The following TDRD9 variants were observed in gnomAD, a reference collection of about 807,000 sequenced individuals.
The protein encoded by TDRD9 is ATP-dependent RNA helicase TDRD9.
Under a neutral mutation model 172.6 loss-of-function variants are expected in TDRD9, and 124 were observed. The observed-to-expected ratio is 0.72, with a 90% confidence interval of 0.62 to 0.83. The LOEUF is 0.83. TDRD9 is among the 40% of genes least tolerant of loss of function. The pLI, the probability that TDRD9 is intolerant of heterozygous loss-of-function variation, is 0.00. For synonymous variants in TDRD9, 619 were observed against 617.1 expected, an observed-to-expected ratio of 1.00 and a Z score of -0.05; for missense variants, 1,479 against 1,714.1, an observed-to-expected ratio of 0.86 and a Z score of 2.42.
rs949990551 is a variant in TDRD9 at position 104,031,404 on chromosome 14, TATA to T, written c.3438+149_3438+151del. On this transcript the variant is annotated intron_variant, in intron 29 of 35. Coordinates refer to ENST00000409874, the MANE Select transcript of TDRD9 (RefSeq NM_153046.3). ...TTACTTTTCTCACAATTGATCCTCT[TATA>T]ATAATAAGAAAAAACCCTGGGGTTT... 33 of 693,798 alleles carry T rather than the reference TATA, an allele frequency of 4.8e-5. No homozygotes were observed. The African/African-American group carries it at 5.6e-4, about 12-fold the overall frequency. 43.0% of individuals were successfully genotyped at this position (693,798 alleles called of 1,614,324 possible). A position where few individuals can be genotyped will look rare whatever the true frequency, so the allele number is the denominator to read the frequency against.
At chr14:103,940,063 C>T (rs994964558) in intron 1 of TDRD9, among the ~76,000 whole-genome samples, 2 of 151,950 alleles carry the variant, frequency 1.3e-5, no homozygotes, top group African/African-American at 2.4e-5. Context: ...GTATAATTTC[C>T]TACTTTTAAT....
At chr14:103,967,347 CAAAAAAAA>C (rs11444885) in intron 5 of TDRD9, among the ~76,000 whole-genome samples, 22 of 49,748 alleles carry the variant, frequency 4.4e-4, no homozygotes, top group African/African-American at 2.0e-3. Context: ...ACTAAAAATA[CAAAAAAAA>C]AAAAAAAAAA....
rs375199622 is a variant in TDRD9 at position 104,022,249 on chromosome 14, C to G, written c.2525C>G (p.Ser842Ter). Residue 842 changes from serine to a stop codon, truncating the protein, a stop_gained, in exon 24 of 36, where the codon TCA (serine) becomes TGA (stop). Transcript: ENST00000409874. LOFTEE classifies it high-confidence loss of function. Reference protein sequence around the residue: ...MAIKMSQLKVSLELSVHSAEE... With the variant: ...MAIKMSQLKV ...ATTAAGATGTCTCAACTAAAAGTTT[C>G]ACTTGAACTCAGCGTTCATTCTGCA... 3 of 1,611,942 alleles carry G rather than the reference C, an allele frequency of 1.9e-6. No homozygotes were observed. In the African/African-American group the frequency reaches 4.0e-5, roughly 22 times the overall value.
At chr14:103,998,110 G>A (rs2034119040) in intron 12 of TDRD9, among the ~76,000 whole-genome samples, 1 of 152,046 alleles carries the variant, frequency 6.6e-6, no homozygotes, top group Admixed American at 6.5e-5. Flanking sequence ...ATACTAAAGC[G>A]CAGAGACACT....
chr14:103,930,401 G>T (rs1225371139), intron 1 of TDRD9, among the ~76,000 whole-genome samples: 2 of 152,070 alleles, frequency 1.3e-5, no homozygotes, highest in Non-Finnish European at 2.9e-5. Context: ...TGGCCAGGTC[G>T]GTCTGACCTT....
chr14:104,043,965 C>T (rs929549815), intron 34 of TDRD9, among the ~76,000 whole-genome samples: 35 of 152,154 alleles, frequency 2.3e-4, no homozygotes, highest in Admixed American at 5.9e-4. Flanking sequence ...GGGGGCTCGT[C>T]GCCATGTGTG....
chr14:103,952,729 CTTTTTTTT>C (rs68192057), intron 1 of TDRD9, among the ~76,000 whole-genome samples: 32 of 72,324 alleles, frequency 4.4e-4, no homozygotes, highest in East Asian at 1.3e-3. Context: ...AATTCTCTCT[CTTTTTTTT>C]TTTTTTTTTT....
At chr14:104,050,856 A>G (rs2035918379) in intron 35 of TDRD9, among the ~76,000 whole-genome samples, 1 of 152,274 alleles carries the variant, frequency 6.6e-6, no homozygotes, top group Admixed American at 6.5e-5. Context: ...TATGTTTTAG[A>G]AAATTTCAGT....
In TDRD9 at chr14:104,033,968, G is replaced by A. The variant is rs1395393353; in HGVS notation, c.3518G>A (p.Trp1173Ter). 1.9e-6 allele frequency: 3 copies of A among 1,548,200 alleles called. No individual in the cohort carries two copies. ...GTGCTCCTGCCTTTTAGGTGTGTTT[G>A]GATTGAGAAGGAGAGCATCAACTCT... ...LTRISKFRCVWIEKESINSVI... is the reference protein window; with the variant it reads ...LTRISKFRCV Residue 1173 changes from tryptophan (W) to a stop codon, truncating the protein, a stop_gained, in exon 31 of 36, where the codon TGG becomes TAG. Transcript: ENST00000409874. LOFTEE classifies it high-confidence loss of function.
chr14:103,968,755 C>T (rs2032871246), intron 5 of TDRD9, among the ~76,000 whole-genome samples: 2 of 97,438 alleles, frequency 2.1e-5, no homozygotes, highest in East Asian at 3.4e-4. Flanking sequence ...GAGATTGCGC[C>T]ACTGCACTCC....
intron 6 of TDRD9, among the ~76,000 whole-genome samples, chr14:103,971,965 TG>T (rs2152158442): frequency 6.6e-6 from 1 of 152,202 alleles, no homozygotes; most frequent in African/African-American, 2.4e-5. Flanking sequence ...AAGACCAGCC[TG>T]GGCAACATGG....
At chr14:103,963,034 C>G (rs2032581972) in intron 2 of TDRD9, 45 bp from the exon 3 acceptor site, 1 of 1,119,608 alleles carries the variant, frequency 8.9e-7, no homozygotes, top group African/African-American at 1.6e-5. Context: ...TATCTTTTTC[C>G]AGATAAGAAA....
intron 35 of TDRD9, among the ~76,000 whole-genome samples, chr14:104,050,214 C>G (rs1476542385): frequency 1.3e-5 from 2 of 152,210 alleles, no homozygotes; most frequent in Non-Finnish European, 2.9e-5. Flanking sequence ...CACCTTCTCA[C>G]TGTGCCCTCA....
At chr14:104,045,011 C>T (rs2035723809) in intron 34 of TDRD9, among the ~76,000 whole-genome samples, 1 of 152,130 alleles carries the variant, frequency 6.6e-6, no homozygotes, top group Non-Finnish European at 1.5e-5. Flanking sequence ...GGCATGGTGA[C>T]ACACGCCTGT....
intron 31 of TDRD9, 99 bp downstream of exon 31, chr14:104,034,168 A>G (rs1596014790): frequency 1.6e-6 from 1 of 617,456 alleles, no homozygotes; most frequent in African/African-American, 1.9e-5. Flanking sequence ...GAACAAGTCT[A>G]CACTATGTAC....
chr14:104,051,861 G>T, intron 35 of TDRD9, 120 bp from the exon 36 acceptor site: 1 of 601,624 alleles, frequency 1.7e-6, no homozygotes, highest in Non-Finnish European at 3.0e-6. Context: ...GAAGTGTTCT[G>T]TAAATATTTT....
Position 104,052,187 on chromosome 14 carries a change from C to A in TDRD9, c.*105C>A. The A allele has an allele frequency of 1.5e-6, 1 of 682,050 alleles. No individual in the cohort carries two copies. Among genetic ancestry groups the A allele is most frequent in the Non-Finnish European group, 2.5e-6 (1 of 401,482 alleles). 42.2% of individuals were successfully genotyped at this position (682,050 alleles called of 1,614,324 possible). A position where few individuals can be genotyped will look rare whatever the true frequency, so the allele number is the denominator to read the frequency against. ...TTCCTCTGTGTCTGGGTGTTACAGT[C>A]TGTGCCCACTGCATCCTAAAGGCCT... On this transcript the variant is annotated 3_prime_UTR_variant, in exon 36 of 36. Coordinates refer to ENST00000409874, the MANE Select transcript of TDRD9 (RefSeq NM_153046.3).
At chr14:104,032,362 A>C (rs894224303) in intron 30 of TDRD9, among the ~76,000 whole-genome samples, 2 of 151,990 alleles carry the variant, frequency 1.3e-5, no homozygotes, top group Non-Finnish European at 2.9e-5. Flanking sequence ...ACGTGCCACC[A>C]CACCTGGCTA....
chr14:104,051,775 C>T (rs2035941596), intron 35 of TDRD9, among the ~76,000 whole-genome samples: 1 of 152,076 alleles, frequency 6.6e-6, no homozygotes, highest in Non-Finnish European at 1.5e-5. Context: ...TGTCTTTTGT[C>T]CATCTTTAAT....
Sources: gnomAD v4.1 joint callset for allele counts (sites outside exome capture counted in the v4.1 genomes callset) on GRCh38, gnomAD v4.1.1 for gene constraint, MANE v1.5 for transcripts, NCBI Gene and HGNC (gene_info 2026-07-23, HGNC 2026-07-21) for gene names.